The following UBR2 variants were observed in gnomAD, a reference collection of about 807,000 sequenced individuals.
UBR2 encodes the protein ubiquitin protein ligase E3 component n-recognin 2.
Under a neutral mutation model 247.9 loss-of-function variants are expected in UBR2, and 92 were observed. The observed-to-expected ratio is 0.37, with a 90% CI of 0.31 to 0.44. The LOEUF is 0.44. Ranked by LOEUF, UBR2 falls within the 20% of genes least tolerant of loss-of-function variation. UBR2 has a pLI of 1.00. For synonymous variants in UBR2, 672 were observed against 693.5 expected (o/e 0.97, Z 0.49); for missense variants, 1,613 against 2,112.6 (o/e 0.76, Z 4.64).
intron 36 of UBR2, among the ~76,000 whole-genome samples, chr6:42,671,281 G>A (rs1798419674): frequency 6.6e-6 from 1 of 151,488 alleles, no homozygotes; most frequent in Non-Finnish European, 1.5e-5. Context: ...GGCGTGGCAT[G>A]TACCTGTGGT....
At chr6:42,619,880 G>A (rs1043088588) in intron 11 of UBR2, 5 of 803,514 alleles carry the variant, frequency 6.2e-6, no homozygotes, top group Non-Finnish European at 6.0e-6. Context: ...ACCACACCCA[G>A]CTAGTCTTAA....
At chr6:42,566,237 G>T (rs992349725) in intron 1 of UBR2, among the ~76,000 whole-genome samples, 1 of 152,022 alleles carries the variant, frequency 6.6e-6, no homozygotes, top group Non-Finnish European at 1.5e-5. Context: ...AAAGTAGTGC[G>T]GGAGGCCAGT....
At chr6:42,582,282 CAAAA>C (rs397887989) in intron 2 of UBR2, among the ~76,000 whole-genome samples, 3 of 85,884 alleles carry the variant, frequency 3.5e-5, no homozygotes, top group Admixed American at 2.9e-4. Flanking sequence ...GACTCCGTCT[CAAAA>C]AAAAAAAAAA....
chr6:42,594,858 A>G (rs1792871949), intron 4 of UBR2, among the ~76,000 whole-genome samples: 1 of 152,236 alleles, frequency 6.6e-6, no homozygotes, highest in East Asian at 1.9e-4. Flanking sequence ...ATGGAATAGT[A>G]GAGTCCCACA....
At chr6:42,571,649 A>C (rs1209049549) in intron 1 of UBR2, among the ~76,000 whole-genome samples, 1 of 150,472 alleles carries the variant, frequency 6.6e-6, no homozygotes, top group Non-Finnish European at 1.5e-5. Context: ...AGGCTGAGGC[A>C]GGAGAATCAC....
Position 42,614,419 on chromosome 6 carries a change from C to CATACATACGTATATATGTATGTAT in UBR2, c.986-652_986-651insATACATACGTATATATGTATGTAT, listed in dbSNP as rs1562312183. Among the ~76,000 whole-genome samples the CATACATACGTATATATGTATGTAT allele has an allele frequency of 2.0e-4, 6 of 29,358 alleles. 1 individual carries two copies. The highest frequency in any genetic ancestry group is 6.1e-4 in the African/African-American group (6 of 9,774). The allele number at this position is 29,358 out of a possible 152,430, so 19.3% of individuals were successfully genotyped here. On this transcript the variant is annotated intron_variant, in intron 8 of 46. Transcript: ENST00000372901. ...ACATACATACGTATGTATGTACGTA[C>CATACATACGTATATATGTATGTAT]GTACATATATATGTATGTACGTACA...
intron 44 of UBR2, 143 bp downstream of exon 44, chr6:42,685,014 G>A (rs1410138135): frequency 6.1e-6 from 4 of 653,004 alleles, no homozygotes; most frequent in Non-Finnish European, 9.6e-6. Flanking sequence ...GAGAAAAAAG[G>A]AAAAAAAGAA....
At chr6:42,680,419 T>A (rs1798972182) in intron 42 of UBR2, among the ~76,000 whole-genome samples, 1 of 152,216 alleles carries the variant, frequency 6.6e-6, no homozygotes, top group South Asian at 2.1e-4. Flanking sequence ...AACTTACTTG[T>A]TAAGGACTCT....
At chr6:42,586,383 T>C (rs2059075154) in intron 2 of UBR2, among the ~76,000 whole-genome samples, 1 of 152,104 alleles carries the variant, frequency 6.6e-6, no homozygotes, top group Middle Eastern at 3.2e-3. Flanking sequence ...TGAAACTTGT[T>C]TTATGGTTCG....
intron 1 of UBR2, among the ~76,000 whole-genome samples, chr6:42,573,120 A>G (rs1791270691): frequency 6.6e-6 from 1 of 152,122 alleles, no homozygotes. Context: ...ATGCTTTAAA[A>G]TTTGTTTTTA....
At chr6:42,657,128 G>A (rs914554817) in intron 26 of UBR2, among the ~76,000 whole-genome samples, 7 of 151,522 alleles carry the variant, frequency 4.6e-5, no homozygotes, top group Non-Finnish European at 1.0e-4. Context: ...CCAGCTGCTC[G>A]GGAGGCTGAG....
At chr6:42,581,378 A>C (rs1295947968) in intron 2 of UBR2, among the ~76,000 whole-genome samples, 2 of 151,890 alleles carry the variant, frequency 1.3e-5, no homozygotes, top group African/African-American at 4.8e-5. Flanking sequence ...TTTAGTAGAG[A>C]CCGGGTTTCG....
At chr6:42,601,624 G>A (rs1293830983) in intron 4 of UBR2, among the ~76,000 whole-genome samples, 3 of 146,686 alleles carry the variant, frequency 2.0e-5, no homozygotes, top group Non-Finnish European at 3.0e-5. Context: ...GGAGGCGGAC[G>A]TTACAGTGAG....
intron 4 of UBR2, among the ~76,000 whole-genome samples, chr6:42,603,034 T>C (rs1453566215): frequency 6.6e-6 from 1 of 152,144 alleles, no homozygotes; most frequent in Non-Finnish European, 1.5e-5. Context: ...TTACGTCTAG[T>C]GTATGAAGTT....
At position 42,659,520 on chromosome 6, in the gene UBR2, T is replaced by TATACAC. The variant is rs1404867350; in HGVS notation, c.3243-135_3243-134insTACACA. 170 of 503,032 alleles carry TATACAC rather than the reference T, an allele frequency of 3.4e-4. 1 individual carries two copies. Among genetic ancestry groups the TATACAC allele is most frequent in the Admixed American group, 2.8e-3 (77 of 27,394 alleles). The allele number at this position is 503,032 out of a possible 1,614,324, so 31.2% of individuals were successfully genotyped here. A position where few individuals can be genotyped will look rare whatever the true frequency, so the allele number is the denominator to read the frequency against. On this transcript the variant is annotated intron_variant, in intron 29 of 46. Coordinates refer to ENST00000372901, the MANE Select transcript of UBR2 (RefSeq NM_001363705.2). This position sits in a 1 kb window ranked among gnomAD's most constrained non-coding sequence, Gnocchi z 4.3. ...GTCTCAAAAAATAAATAAATATATA[T>TATACAC]ACACACACACACACACACACACACA...
chr6:42,585,126 C>G (rs1213562187), intron 2 of UBR2, among the ~76,000 whole-genome samples: 3 of 152,030 alleles, frequency 2.0e-5, no homozygotes, highest in Non-Finnish European at 1.5e-5. Context: ...CCTTCTATTC[C>G]TAGTTTACCT....
At chr6:42,565,622 G>T (rs1183302529) in intron 1 of UBR2, among the ~76,000 whole-genome samples, 2 of 152,080 alleles carry the variant, frequency 1.3e-5, no homozygotes, top group African/African-American at 2.4e-5. Flanking sequence ...GTGCAGTGGC[G>T]CGATCTCAGC....
chr6:42,664,104 A>T (rs1797976443), intron 32 of UBR2: 1 of 151,836 alleles, frequency 6.6e-6, no homozygotes, highest in Middle Eastern at 3.4e-3. Context: ...AGCTTTGATC[A>T]TGCCATTGCA....
intron 8 of UBR2, among the ~76,000 whole-genome samples, chr6:42,614,217 TAC>T (rs576036792): frequency 0.099 from 6,089 of 61,544 alleles, 515 homozygotes; most frequent in African/African-American, 0.14. Flanking sequence ...TATATATATA[TAC>T]ACACACACAC....
Sources: allele counts gnomAD v4.1 joint callset (sites outside exome capture counted in the v4.1 genomes callset), GRCh38; gene constraint gnomAD v4.1.1; non-coding constraint Gnocchi (gnomAD v3.1); transcripts MANE v1.5; gene names NCBI Gene and HGNC (gene_info 2026-07-23, HGNC 2026-07-21).